CDH2: variants seen among roughly 807,000 people sequenced by gnomAD.
CDH2 encodes cadherin-2.
CDH2 carries 17 observed loss-of-function variants against 92.0 expected under a neutral mutation model. The ratio of observed to expected loss-of-function variants is 0.18; its 90% CI spans 0.13 to 0.28. The LOEUF (loss-of-function observed/expected upper bound fraction) is 0.28. Among genes scored for constraint, CDH2 ranks in the 10% least tolerant of loss-of-function variants. The pLI, the probability that CDH2 is intolerant of heterozygous loss-of-function variation, is 1.00. For synonymous variants in CDH2, 419 were observed against 415.9 expected (o/e 1.01, Z -0.09); for missense variants, 862 against 1,133.1 (o/e 0.76, Z 3.44).
chr18:27,947,847 G>A (rs920157683), downstream of CDH2, among the ~76,000 whole-genome samples: 1 of 151,656 alleles, frequency 6.6e-6, no homozygotes, highest in Non-Finnish European at 1.5e-5. Flanking sequence ...GTGTGTATAC[G>A]GTAAAGAATG....
chr18:27,964,398 T>C (rs2011487028), intron 14 of CDH2, among the ~76,000 whole-genome samples: 1 of 152,194 alleles, frequency 6.6e-6, no homozygotes. Context: ...ATAATCCACA[T>C]TTAAGGTTTG....
At chr18:28,045,764 C>T (rs1034451373) in intron 2 of CDH2, among the ~76,000 whole-genome samples, 2 of 152,180 alleles carry the variant, frequency 1.3e-5, no homozygotes, top group East Asian at 1.9e-4. Context: ...TTTCCCAAAC[C>T]GAAGCTTCCT....
Position 28,034,345 on chromosome 18 carries a change from C to T in CDH2, c.173-20436G>A, listed in dbSNP as rs11873232. ...CAAGTTCTGTTTGCTTTTGTTCATGCTGAGCAGTCATTATGAAAAATACAA... is the reference window on the plus strand; with the variant it reads ...CAAGTTCTGTTTGCTTTTGTTCATGTTGAGCAGTCATTATGAAAAATACAA... On this transcript the variant is annotated intron_variant, in intron 2 of 15. Coordinates refer to ENST00000269141, the MANE Select transcript of CDH2 (RefSeq NM_001792.5). Among the ~76,000 whole-genome samples the T allele has an allele frequency of 4.6e-3, 707 of 152,174 alleles. 8 individuals are homozygous for T. The highest frequency in any genetic ancestry group is 0.016 in the African/African-American group (683 of 41,552).
rs776638701 is a variant in CDH2 at position 28,005,952 on chromosome 18, C to T, written c.744G>A (p.Glu248=). Residue 248 remains glutamate, a synonymous_variant, in exon 6 of 16, where the codon GAG becomes GAA. Transcript: ENST00000269141. The part of the protein sequence containing the change: ...HAVDINGNQV[E]NPIDIVINVI... ...CATTGATGACAATGTCAATGGGGTT[C>T]TCCACTTGATTTCCATTAATATCTA... 1.2e-6 allele frequency: 2 copies of T among 1,611,560 alleles called. No homozygotes were observed. Among genetic ancestry groups the T allele is most frequent in the Non-Finnish European group, 1.7e-6 (2 of 1,177,724 alleles).
At chr18:28,160,644 G>A (rs1375751834) in intron 1 of CDH2, among the ~76,000 whole-genome samples, 1 of 152,158 alleles carries the variant, frequency 6.6e-6, no homozygotes, top group African/African-American at 2.4e-5. Flanking sequence ...AAATGGCAGA[G>A]AAAGAGCCAG....
rs17495133 is a variant in CDH2 at position 28,152,284 on chromosome 18, C to A, written c.61-4500G>T. Among the ~76,000 whole-genome samples, 638 of 152,250 alleles carry A rather than the reference C, an allele frequency of 4.2e-3. 4 individuals carry two copies. The highest frequency in any genetic ancestry group is 0.015 in the African/African-American group (606 of 41,552). ...AAGGGCAGGATTCAAACTCTGTAGT[C>A]TTTCTAAGTACAACAAATAATTACA... On this transcript the variant is annotated intron_variant, in intron 1 of 15. Coordinates refer to ENST00000269141, the MANE Select transcript of CDH2 (RefSeq NM_001792.5).
At chr18:28,150,450 C>T (rs1244043337) in intron 1 of CDH2, among the ~76,000 whole-genome samples, 1 of 152,184 alleles carries the variant, frequency 6.6e-6, no homozygotes, top group Non-Finnish European at 1.5e-5. Context: ...CACCAAGTTC[C>T]TGGTCCAAAC....
At chr18:28,063,903 A>G (rs1389469068) in intron 2 of CDH2, among the ~76,000 whole-genome samples, 1 of 152,210 alleles carries the variant, frequency 6.6e-6, no homozygotes, top group Non-Finnish European at 1.5e-5. Flanking sequence ...ATATTCTGTA[A>G]TCTTCAAAAA....
chr18:28,115,353 T>G (rs1428349564), intron 2 of CDH2, among the ~76,000 whole-genome samples: 1 of 152,136 alleles, frequency 6.6e-6, no homozygotes, highest in Admixed American at 6.5e-5. Context: ...CTCCAGACCC[T>G]CCAAACTGGA....
chr18:27,954,520 G>A (rs1035882645), intron 15 of CDH2: 4 of 152,350 alleles, frequency 2.6e-5, no homozygotes, highest in African/African-American at 9.7e-5. Flanking sequence ...TCTGCCAGGA[G>A]AATGGCCTGC....
chr18:28,044,352 A>T (rs1185708730), intron 2 of CDH2, among the ~76,000 whole-genome samples: 1 of 152,182 alleles, frequency 6.6e-6, no homozygotes, highest in East Asian at 1.9e-4. Flanking sequence ...TGTTTCTCCA[A>T]GGTTTTCCTG....
At chr18:28,055,608 C>T (rs1006843965) in intron 2 of CDH2, among the ~76,000 whole-genome samples, 3 of 151,910 alleles carry the variant, frequency 2.0e-5, no homozygotes, top group African/African-American at 4.8e-5. Context: ...GTTATATATG[C>T]GTGATATTTT....
intron 2 of CDH2, among the ~76,000 whole-genome samples, chr18:28,082,968 TA>T (rs774235817): frequency 1.2e-4 from 18 of 152,144 alleles, no homozygotes; most frequent in Non-Finnish European, 1.6e-4. Flanking sequence ...TAGCAGAGTT[TA>T]AAAATACCTT....
At chr18:28,055,092 A>G (rs2014265941) in intron 2 of CDH2, among the ~76,000 whole-genome samples, 1 of 152,174 alleles carries the variant, frequency 6.6e-6, no homozygotes, top group Non-Finnish European at 1.5e-5. Context: ...TACTGGACTC[A>G]CAGTTCCACT....
At chr18:28,034,104 C>T (rs1312171756) in intron 2 of CDH2, among the ~76,000 whole-genome samples, 1 of 152,012 alleles carries the variant, frequency 6.6e-6, no homozygotes, top group Non-Finnish European at 1.5e-5. Flanking sequence ...GAGCAATGAA[C>T]TAAAAGCCAG....
chr18:27,935,714 T>C (rs1567927975), intron 6 of CDH2, among the ~76,000 whole-genome samples: 2 of 152,174 alleles, frequency 1.3e-5, no homozygotes, highest in South Asian at 2.1e-4. Context: ...CTTAATGACC[T>C]TTATAGACTT....
intron 14 of CDH2, among the ~76,000 whole-genome samples, chr18:27,976,106 C>G (rs558495086): frequency 6.6e-6 from 1 of 152,144 alleles, no homozygotes; most frequent in Admixed American, 6.6e-5. Context: ...CATGAGAGAG[C>G]AGGCAAACAG....
At chr18:28,049,808 A>T (rs2014155171) in intron 2 of CDH2, among the ~76,000 whole-genome samples, 1 of 152,224 alleles carries the variant, frequency 6.6e-6, no homozygotes, top group East Asian at 1.9e-4. Context: ...ATAATCATTT[A>T]AATAGTTTAG....
intron 1 of CDH2, among the ~76,000 whole-genome samples, chr18:28,176,015 C>T (rs2016534783): frequency 6.6e-6 from 1 of 152,204 alleles, no homozygotes. Flanking sequence ...TTGGAGGCGG[C>T]GGAAAGTTGG....
Sources: gnomAD v4.1 joint callset for allele counts (sites outside exome capture counted in the v4.1 genomes callset) on GRCh38, gnomAD v4.1.1 for gene constraint, MANE v1.5 for transcripts, NCBI Gene and HGNC (gene_info 2026-07-23, HGNC 2026-07-21) for gene names.